ACSBG1: variants seen among roughly 807,000 people sequenced by gnomAD.
ACSBG1 encodes the protein acyl-CoA synthetase bubblegum family member 1.
Under a neutral mutation model 80.2 loss-of-function variants are expected in ACSBG1, and 39 were observed. That is an observed-to-expected ratio of 0.49 (90% CI 0.38 to 0.64). The LOEUF is 0.64. Ranked by LOEUF, ACSBG1 falls within the 30% of genes least tolerant of loss-of-function variation. The probability of loss-of-function intolerance (pLI) is 0.00; values close to 1 mark genes in which losing one functional copy is unlikely to be tolerated. For synonymous variants in ACSBG1, 392 were observed against 379.5 expected, an observed-to-expected ratio of 1.03 and a Z score of -0.38; for missense variants, 828 against 966.4, an observed-to-expected ratio of 0.86 and a Z score of 1.90.
chr15:78,210,552 G>A (rs923770296), intron 1 of ACSBG1, among the ~76,000 whole-genome samples: 38 of 152,168 alleles, frequency 2.5e-4, no homozygotes, highest in African/African-American at 8.4e-4. Flanking sequence ...CTCATTGTGA[G>A]TGCTGTCTCA....
At chr15:78,219,460 A>G (rs1289315506) in intron 1 of ACSBG1, among the ~76,000 whole-genome samples, 1 of 152,030 alleles carries the variant, frequency 6.6e-6, no homozygotes, top group Non-Finnish European at 1.5e-5. Context: ...AAACTATTCA[A>G]TCCAAAGGGT....
chr15:78,221,010 A>G (rs1358390369), intron 1 of ACSBG1, among the ~76,000 whole-genome samples: 4 of 152,244 alleles, frequency 2.6e-5, no homozygotes, highest in African/African-American at 9.6e-5. Flanking sequence ...ATAAATGTTC[A>G]CAGCAGCACT....
intron 3 of ACSBG1, 110 bp downstream of exon 3, chr15:78,194,396 T>C: frequency 1.0e-6 from 1 of 1,004,162 alleles, no homozygotes; most frequent in Non-Finnish European, 1.5e-6. Context: ...TTACAGTTAT[T>C]GTTCCTAAGA....
At chr15:78,215,554 G>A (rs546264687) in intron 1 of ACSBG1, among the ~76,000 whole-genome samples, 1 of 152,200 alleles carries the variant, frequency 6.6e-6, no homozygotes, top group South Asian at 2.1e-4. Context: ...TACTTGGGAG[G>A]CTGAGGCAGG....
At chr15:78,175,037 A>C (rs12911405) in intron 11 of ACSBG1, among the ~76,000 whole-genome samples, 51,495 of 152,134 alleles carry the variant, frequency 0.34, 9,451 homozygotes, top group Middle Eastern at 0.42. Flanking sequence ...TCACATGCTA[A>C]TAAGTGGCAG....
chr15:78,233,079 G>A (rs7179157), intron 1 of ACSBG1, among the ~76,000 whole-genome samples: 55,725 of 152,120 alleles, frequency 0.37, 11,325 homozygotes, highest in East Asian at 0.51. Context: ...CCAGGACACC[G>A]GGGCCCAGAG....
intron 1 of ACSBG1, among the ~76,000 whole-genome samples, chr15:78,223,992 C>A (rs943292813): frequency 6.6e-6 from 1 of 152,142 alleles, no homozygotes; most frequent in Non-Finnish European, 1.5e-5. Context: ...GTCCTAGAGC[C>A]CCTGGAGGAA....
chr15:78,197,296 A>G (rs1278921448), intron 2 of ACSBG1, among the ~76,000 whole-genome samples: 1 of 152,082 alleles, frequency 6.6e-6, no homozygotes, highest in Non-Finnish European at 1.5e-5. Flanking sequence ...GGGGTGAAGG[A>G]AATGTCCCAA....
Position 78,178,861 on chromosome 15 carries a change from A to G in ACSBG1, c.1485-30T>C. On this transcript the variant is annotated intron_variant, in intron 10 of 13. Coordinates refer to ENST00000258873, the MANE Select transcript of ACSBG1 (RefSeq NM_015162.5). The surrounding 1 kb of genome is among the most constrained non-coding windows in gnomAD (Gnocchi z 4.3). ...CGAGGGAGGGGCCGGGAGACTGGTC[A>G]GAGGGAGCCGTCTCCTCCAAGCCCC... 1.3e-6 allele frequency: 2 copies of G among 1,574,778 alleles called. No homozygotes were observed. The highest frequency in any genetic ancestry group is 1.7e-6 in the Non-Finnish European group (2 of 1,164,334).
At chr15:78,187,959 T>G (rs1023170085) in intron 5 of ACSBG1, among the ~76,000 whole-genome samples, 1 of 152,128 alleles carries the variant, frequency 6.6e-6, no homozygotes, top group Non-Finnish European at 1.5e-5. Context: ...CTTAAGCTGA[T>G]AAGCAACTTC....
intron 8 of ACSBG1, 26 bp from the exon 9 acceptor site, chr15:78,180,962 T>G: frequency 6.2e-7 from 1 of 1,606,226 alleles, no homozygotes; most frequent in Non-Finnish European, 8.5e-7. Flanking sequence ...GAGGCAGGCC[T>G]GTTGGGTCAG....
chr15:78,188,445 C>T (rs1269552324), intron 5 of ACSBG1, among the ~76,000 whole-genome samples: 4 of 150,804 alleles, frequency 2.7e-5, no homozygotes, highest in African/African-American at 4.9e-5. Flanking sequence ...CTACAGTAAC[C>T]AAAACAGCAT....
At chr15:78,192,960 G>C (rs375841304) in intron 5 of ACSBG1, among the ~76,000 whole-genome samples, 1 of 152,150 alleles carries the variant, frequency 6.6e-6, no homozygotes, top group South Asian at 2.1e-4. Flanking sequence ...AGTTAGGGGT[G>C]TGCCTTAGAT....
chr15:78,230,343 G>A (rs557974647), intron 1 of ACSBG1, among the ~76,000 whole-genome samples: 20 of 152,326 alleles, frequency 1.3e-4, no homozygotes, highest in African/African-American at 3.4e-4. Context: ...GGGAACTCTC[G>A]TGGGTCAGGC....
At position 78,194,599 on chromosome 15, in the gene ACSBG1, G is replaced by A. The variant is rs149039203; in HGVS notation, c.360C>T (p.Ile120=). Residue 120 remains isoleucine, a synonymous_variant, in exon 3 of 14, where the codon ATC becomes ATT. Coordinates refer to ENST00000258873, the MANE Select transcript of ACSBG1 (RefSeq NM_015162.5). ...TGTCCTGGCGCTTGAAGCCCAAAGC[G>A]ATGAGGTCCCCATACTTATCCAGGG... ...YEALDKYGDL[I]ALGFKRQDKW... 521 of 1,614,154 alleles carry A rather than the reference G, an allele frequency of 3.2e-4. 2 individuals are homozygous for A. The highest frequency in any genetic ancestry group is 5.0e-4 in the South Asian group (46 of 91,092).
At chr15:78,211,663 G>T (rs528772261) in intron 1 of ACSBG1, among the ~76,000 whole-genome samples, 1 of 152,166 alleles carries the variant, frequency 6.6e-6, no homozygotes. Flanking sequence ...TAAGATGTGT[G>T]GGGGGCAGAG....
At chr15:78,219,980 G>A (rs112962816) in intron 1 of ACSBG1, among the ~76,000 whole-genome samples, 2,349 of 149,952 alleles carry the variant, frequency 0.016, 64 homozygotes, top group African/African-American at 0.054. Flanking sequence ...GTGAGACTCC[G>A]TCTCAAAAAA....
chr15:78,226,791 T>TAA (rs1355735357), intron 1 of ACSBG1, among the ~76,000 whole-genome samples: 2 of 104,532 alleles, frequency 1.9e-5, no homozygotes, highest in Non-Finnish European at 4.3e-5. Flanking sequence ...GAAAAATATA[T>TAA]ATATATATAT....
At chr15:78,220,142 A>T (rs1268197912) in intron 1 of ACSBG1, among the ~76,000 whole-genome samples, 2 of 152,270 alleles carry the variant, frequency 1.3e-5, no homozygotes, top group African/African-American at 2.4e-5. Context: ...ACAGATATAT[A>T]GGTGAATGAA....
Sources: allele counts gnomAD v4.1 joint callset (sites outside exome capture counted in the v4.1 genomes callset), GRCh38; gene constraint gnomAD v4.1.1; non-coding constraint Gnocchi (gnomAD v3.1); transcripts MANE v1.5; gene names NCBI Gene and HGNC (gene_info 2026-07-23, HGNC 2026-07-21).